The following STIM1 variants were observed in gnomAD, a reference collection of about 807,000 sequenced individuals.
STIM1 encodes stromal interaction molecule 1.
A neutral mutation model predicts 74.7 loss-of-function variants in STIM1; 25 were observed. The observed-to-expected ratio is 0.33, with a 90% CI of 0.24 to 0.47. The LOEUF (loss-of-function observed/expected upper bound fraction) is 0.47, where lower values mean the gene tolerates loss of function less well. STIM1 is among the 20% of genes least tolerant of loss of function. STIM1 has a pLI of 1.00. For synonymous variants in STIM1, 328 were observed against 348.8 expected, an observed-to-expected ratio of 0.94 and a Z score of 0.66; for missense variants, 728 against 920.8, an observed-to-expected ratio of 0.79 and a Z score of 2.71.
intron 1 of STIM1, among the ~76,000 whole-genome samples, chr11:3,915,291 T>C (rs900428715): frequency 6.6e-6 from 1 of 152,246 alleles, no homozygotes; most frequent in Non-Finnish European, 1.5e-5. Flanking sequence ...GATTTTGCTA[T>C]GTTGCCCAGG....
At chr11:3,894,781 C>T (rs922373042) in intron 1 of STIM1, among the ~76,000 whole-genome samples, 1 of 152,066 alleles carries the variant, frequency 6.6e-6, no homozygotes, top group Admixed American at 6.6e-5. Context: ...ATTTGTTGCC[C>T]AGGCTGGAGT....
intron 1 of STIM1, among the ~76,000 whole-genome samples, chr11:3,879,260 A>G (rs949530862): frequency 1.8e-4 from 27 of 152,066 alleles, no homozygotes; most frequent in African/African-American, 5.8e-4. Context: ...CCAGCGTTTC[A>G]TACCTCTTTT....
At chr11:3,879,288 C>T (rs2091413238) in intron 1 of STIM1, among the ~76,000 whole-genome samples, 1 of 152,168 alleles carries the variant, frequency 6.6e-6, no homozygotes, top group African/African-American at 2.4e-5. Context: ...TATACATTTT[C>T]CTCTGGCTAT....
chr11:3,880,826 T>C (rs1287025683), intron 1 of STIM1, among the ~76,000 whole-genome samples: 1 of 152,076 alleles, frequency 6.6e-6, no homozygotes, highest in Non-Finnish European at 1.5e-5. Flanking sequence ...ACCTGGTCTG[T>C]CTGGAAAGAG....
At chr11:4,065,865 G>GC (rs1213427237) in intron 5 of STIM1, among the ~76,000 whole-genome samples, 1 of 152,168 alleles carries the variant, frequency 6.6e-6, no homozygotes, top group African/African-American at 2.4e-5. Context: ...ACATATTTTG[G>GC]CAGTGAGGGA....
intron 12 of STIM1, chr11:4,086,887 T>C: frequency 6.6e-7 from 1 of 1,514,732 alleles, no homozygotes; most frequent in Non-Finnish European, 8.8e-7. Context: ...CTTTTCTTTC[T>C]TCCCTTCCTT....
At chr11:4,004,557 C>T (rs2093756788) in intron 2 of STIM1, among the ~76,000 whole-genome samples, 3 of 150,776 alleles carry the variant, frequency 2.0e-5, no homozygotes, top group South Asian at 2.1e-4. Flanking sequence ...AACTGGATCC[C>T]TTCCTTATAC....
At chr11:3,993,419 G>A (rs2093633076) in intron 2 of STIM1, among the ~76,000 whole-genome samples, 1 of 152,232 alleles carries the variant, frequency 6.6e-6, no homozygotes, top group Non-Finnish European at 1.5e-5. Context: ...AACTTTGGGA[G>A]GCCAAGGTGG....
chr11:3,866,886 A>G (rs1175493770), intron 1 of STIM1, among the ~76,000 whole-genome samples: 2 of 152,166 alleles, frequency 1.3e-5, no homozygotes, highest in Admixed American at 6.5e-5. Flanking sequence ...TTTATTTATT[A>G]TTATTATTAT....
At chr11:3,960,762 A>G (rs1260855404) in intron 1 of STIM1, among the ~76,000 whole-genome samples, 2 of 152,192 alleles carry the variant, frequency 1.3e-5, no homozygotes, top group African/African-American at 4.8e-5. Flanking sequence ...TTTAGCCAAA[A>G]CAACACATCA....
intron 2 of STIM1, among the ~76,000 whole-genome samples, chr11:3,975,737 T>G (rs2093441436): frequency 6.6e-6 from 1 of 152,212 alleles, no homozygotes; most frequent in Non-Finnish European, 1.5e-5. Context: ...GCTAATAAGC[T>G]ATGAAAAGAT....
upstream of STIM1, chr11:3,855,650 G>C (rs2090335409): frequency 1.5e-5 from 2 of 136,654 alleles, no homozygotes; most frequent in South Asian, 2.6e-4. Flanking sequence ...GCCCCGCGCC[G>C]CCCGCCCGCC....
Position 3,901,509 on chromosome 11 carries a change from C to A in STIM1, c.139+45100C>A, listed in dbSNP as rs139605238. Among the ~76,000 whole-genome samples the A allele has an allele frequency of 4.3e-3, 660 of 152,282 alleles. 3 individuals carry two copies. The highest frequency in any genetic ancestry group is 8.0e-3 in the Non-Finnish European group (544 of 68,026). On this transcript the variant is annotated intron_variant, in intron 1 of 12. Coordinates refer to ENST00000526596, the MANE Select transcript of STIM1 (RefSeq NM_001382567.1). ...TGTCCTTTAGTTGACAAGGTACCTCCATGGCTCCTTTTCAAAGAGAAAATG... is the reference window on the plus strand; with the variant it reads ...TGTCCTTTAGTTGACAAGGTACCTCAATGGCTCCTTTTCAAAGAGAAAATG...
intron 3 of STIM1, among the ~76,000 whole-genome samples, chr11:4,039,187 T>G (rs931243228): frequency 6.6e-6 from 1 of 152,106 alleles, no homozygotes; most frequent in Admixed American, 6.6e-5. Flanking sequence ...TGCCTGCAAT[T>G]CCAGCCCTGT....
chr11:3,909,752 A>G (rs72847181), intron 1 of STIM1, among the ~76,000 whole-genome samples: 7,384 of 151,110 alleles, frequency 0.049, 417 homozygotes, highest in East Asian at 0.18. Context: ...TGATCCTGGC[A>G]CTGCACTCCA....
At chr11:4,018,645 C>CAA (rs576391881) in intron 2 of STIM1, among the ~76,000 whole-genome samples, 2,685 of 55,192 alleles carry the variant, frequency 0.049, 159 homozygotes, top group African/African-American at 0.13. Context: ...AACTCTGTCT[C>CAA]AAAAAAAAAA....
intron 1 of STIM1, among the ~76,000 whole-genome samples, chr11:3,888,959 G>A (rs1565102271): frequency 1.3e-5 from 2 of 151,772 alleles, no homozygotes; most frequent in South Asian, 4.2e-4. Context: ...CTCTGTAAAT[G>A]TATAGATCTG....
intron 1 of STIM1, among the ~76,000 whole-genome samples, chr11:3,858,726 C>G (rs2090485581): frequency 6.6e-6 from 1 of 152,226 alleles, no homozygotes; most frequent in Non-Finnish European, 1.5e-5. Flanking sequence ...AAAACTACTA[C>G]TTTTAAAAAT....
At chr11:3,896,839 C>T (rs1389457167) in intron 1 of STIM1, among the ~76,000 whole-genome samples, 1 of 152,156 alleles carries the variant, frequency 6.6e-6, no homozygotes, top group African/African-American at 2.4e-5. Flanking sequence ...GGGGAAGTTA[C>T]TTAATGTCTC....
Sources: allele counts gnomAD v4.1 joint callset (sites outside exome capture counted in the v4.1 genomes callset), GRCh38; gene constraint gnomAD v4.1.1; transcripts MANE v1.5; gene names NCBI Gene and HGNC (gene_info 2026-07-23, HGNC 2026-07-21).